KCNQ1: variants seen among roughly 807,000 people sequenced by gnomAD.
The protein encoded by KCNQ1 is potassium voltage-gated channel subfamily KQT member 1.
In KCNQ1, 49 loss-of-function variants were observed where a neutral mutation model predicts 72.4. The observed-to-expected ratio is 0.68, with a 90% CI of 0.54 to 0.86. KCNQ1 has a LOEUF of 0.86. Among genes scored for constraint, KCNQ1 ranks in the 40% least tolerant of loss-of-function variants. KCNQ1 has a pLI of 0.00. For synonymous variants in KCNQ1, 450 were observed against 412.6 expected (o/e 1.09, Z -1.10); for missense variants, 790 against 945.1 (o/e 0.84, Z 2.15).
intron 11 of KCNQ1, chr11:2,693,566 G>C: frequency 2.5e-6 from 1 of 398,670 alleles, no homozygotes. Context: ...CTTTTCGGAG[G>C]AGCAGGGATT....
Position 2,627,210 on chromosome 11 carries a change from T to C in KCNQ1, c.1394-34751T>C, listed in dbSNP as rs1849275105. On this transcript the variant is annotated intron_variant, in intron 10 of 15. Transcript: ENST00000155840. This position sits in a 1 kb window ranked among gnomAD's most constrained non-coding sequence, Gnocchi z 4.9. The stretch of plus-strand genomic sequence containing the variant: ...CTTTTATTGAGGTATAATTGACAAA[T>C]TAAAAGTGCATATATTTAAGAACAT... 2.5e-6 allele frequency: 1 copy of C among 398,526 alleles called. No homozygotes were observed. Among genetic ancestry groups the C allele is most frequent in the East Asian group, 3.6e-5 (1 of 28,046 alleles). The allele number at this position is 398,526 out of a possible 1,614,324, so 24.7% of individuals were successfully genotyped here. A position where few individuals can be genotyped will look rare whatever the true frequency, so the allele number is the denominator to read the frequency against.
At chr11:2,628,307 T>C in intron 10 of KCNQ1, 1 of 398,622 alleles carries the variant, frequency 2.5e-6, no homozygotes, top group Non-Finnish European at 4.4e-6. Context: ...TGCTATCTTT[T>C]GACTTTTTGA....
At position 2,787,909 on chromosome 11, in the gene KCNQ1, G is replaced by T. The variant is rs1293049741; in HGVS notation, c.1794+9872G>T. ...TATTAAAATGAAAATTCCATTCCTGGATCTCAGTCACCACTTTTTTAAGTG... is the reference window on the plus strand; with the variant it reads ...TATTAAAATGAAAATTCCATTCCTGTATCTCAGTCACCACTTTTTTAAGTG... On this transcript the variant is annotated intron_variant, in intron 15 of 15. Coordinates refer to ENST00000155840, the MANE Select transcript of KCNQ1 (RefSeq NM_000218.3). The surrounding 1 kb of genome is among the most constrained non-coding windows in gnomAD (Gnocchi z 6.3). Among the ~76,000 whole-genome samples the T allele has an allele frequency of 6.6e-6, 1 of 151,390 alleles. No homozygotes were observed. The highest frequency in any genetic ancestry group is 1.5e-5 in the Non-Finnish European group (1 of 67,932).
chr11:2,775,457 G>A (rs1846676984), intron 12 of KCNQ1, among the ~76,000 whole-genome samples: 1 of 152,252 alleles, frequency 6.6e-6, no homozygotes, highest in South Asian at 2.1e-4. Context: ...CAAACTGCCA[G>A]GAACGATGCA....
intron 10 of KCNQ1, chr11:2,609,966 A>G: frequency 5.0e-6 from 2 of 398,000 alleles, no homozygotes; most frequent in Non-Finnish European, 8.9e-6. Context: ...ATCTGGTCTG[A>G]TAATTCCTGC....
chr11:2,716,214 C>T (rs1030895955), intron 11 of KCNQ1, among the ~76,000 whole-genome samples: 1 of 152,150 alleles, frequency 6.6e-6, no homozygotes, highest in African/African-American at 2.4e-5. Flanking sequence ...GCAACATGTA[C>T]CCTCTCCGGG....
intron 1 of KCNQ1, among the ~76,000 whole-genome samples, chr11:2,455,200 C>G (rs1032733268): frequency 1.8e-4 from 27 of 151,982 alleles, no homozygotes; most frequent in African/African-American, 6.5e-4. Context: ...CAGGTTCACA[C>G]CATTCTCCTG....
intron 10 of KCNQ1, chr11:2,628,140 T>A: frequency 2.5e-6 from 1 of 398,626 alleles, no homozygotes; most frequent in Admixed American, 4.4e-5. Flanking sequence ...TTTGTTTTCC[T>A]TAGATATACC....
chr11:2,718,506 G>GCTTC (rs1188846363), intron 11 of KCNQ1, among the ~76,000 whole-genome samples: 1 of 152,214 alleles, frequency 6.6e-6, no homozygotes, highest in Non-Finnish European at 1.5e-5. Context: ...CCAGGAATTG[G>GCTTC]CTTCCAGTGG....
chr11:2,530,506 C>T (rs372074130), intron 2 of KCNQ1, among the ~76,000 whole-genome samples: 1 of 152,200 alleles, frequency 6.6e-6, no homozygotes. Flanking sequence ...CGTGTGAGGC[C>T]CTTTGTACCT....
At chr11:2,837,547 C>T (rs1444992379) in intron 15 of KCNQ1, among the ~76,000 whole-genome samples, 1 of 152,272 alleles carries the variant, frequency 6.6e-6, no homozygotes, top group Non-Finnish European at 1.5e-5. Context: ...GTTGGCTGTG[C>T]AGTGCCCTGC....
intron 11 of KCNQ1, among the ~76,000 whole-genome samples, chr11:2,728,937 T>C (rs946780461): frequency 6.6e-6 from 1 of 152,268 alleles, no homozygotes; most frequent in African/African-American, 2.4e-5. Flanking sequence ...TTGGGGCAGA[T>C]AGCGGGGTGA....
chr11:2,835,365 T>A (rs1848038138), intron 15 of KCNQ1, among the ~76,000 whole-genome samples: 1 of 151,092 alleles, frequency 6.6e-6, no homozygotes, highest in Admixed American at 6.6e-5. Flanking sequence ...ACCCAGCATG[T>A]CTCCTGTAGA....
intron 11 of KCNQ1, chr11:2,688,192 AG>A (rs1245536054): frequency 2.5e-6 from 1 of 398,738 alleles, no homozygotes; most frequent in Non-Finnish European, 4.4e-6. Flanking sequence ...GCAAGGGGGC[AG>A]GAGGGGCTGC....
rs528332853 is a variant in KCNQ1 at position 2,704,782 on chromosome 11, G to C, written c.1514+42701G>C. Reference sequence around the variant, plus strand: ...TTGTCTAGACTTCTGGCTGAGGACAGGGAGGAGCTTAAGGTAGCCCTCAGC... The same window carrying C: ...TTGTCTAGACTTCTGGCTGAGGACACGGAGGAGCTTAAGGTAGCCCTCAGC... On this transcript the variant is annotated intron_variant, in intron 11 of 15. Transcript: ENST00000155840. The surrounding 1 kb of genome is among the most constrained non-coding windows in gnomAD (Gnocchi z 4.3). Among the ~76,000 whole-genome samples the C allele has an allele frequency of 6.6e-6, 1 of 152,186 alleles. No individual in the cohort carries two copies.
intron 11 of KCNQ1, chr11:2,662,594 C>T (rs1284842617): frequency 2.4e-6 from 1 of 416,646 alleles, no homozygotes; most frequent in Non-Finnish European, 4.2e-6. Flanking sequence ...TGCCCGTCCT[C>T]CCCCGCCGTC....
intron 10 of KCNQ1, among the ~76,000 whole-genome samples, chr11:2,590,414 C>T (rs1401286026): frequency 1.3e-5 from 2 of 152,204 alleles, no homozygotes; most frequent in African/African-American, 4.8e-5. Context: ...GGGCGTGGTC[C>T]CCCTTGGAGG....
At position 2,734,888 on chromosome 11, in the gene KCNQ1, A is replaced by T. The variant is rs1845929279; in HGVS notation, c.1515-33956A>T. 6.6e-6 allele frequency among the ~76,000 whole-genome samples: 1 copy of T among 151,056 alleles called. No individual in the cohort carries two copies. Among genetic ancestry groups the T allele is most frequent in the South Asian group, 2.1e-4 (1 of 4,722 alleles). On this transcript the variant is annotated intron_variant, in intron 11 of 15. Coordinates refer to ENST00000155840, the MANE Select transcript of KCNQ1 (RefSeq NM_000218.3). This position sits in a 1 kb window ranked among gnomAD's most constrained non-coding sequence, Gnocchi z 7.0. ...TGTGGCTTCCCAGGCCCCGGCTGGG[A>T]CCACCGCAGAGGTGATGTCTCCAGG...
intron 10 of KCNQ1, chr11:2,648,123 T>C (rs1849695383): frequency 2.6e-6 from 1 of 383,636 alleles, no homozygotes; most frequent in Admixed American, 5.3e-5. Context: ...GAGGATTGCT[T>C]GAGCCCAGGA....
Sources: gnomAD v4.1 joint callset for allele counts (sites outside exome capture counted in the v4.1 genomes callset) on GRCh38, gnomAD v4.1.1 for gene constraint, Gnocchi (gnomAD v3.1) non-coding constraint, MANE v1.5 for transcripts, NCBI Gene and HGNC (gene_info 2026-07-23, HGNC 2026-07-21) for gene names.